The following ABCD3 variants were observed in gnomAD, a reference collection of about 807,000 sequenced individuals.
ABCD3 encodes the protein ATP binding cassette subfamily D member 3.
A neutral mutation model predicts 105.5 loss-of-function variants in ABCD3; 41 were observed. That is an observed-to-expected ratio of 0.39 (90% confidence interval 0.30 to 0.50). The LOEUF (loss-of-function observed/expected upper bound fraction) is 0.50, where lower values mean the gene tolerates loss of function less well. Among genes scored for constraint, ABCD3 ranks in the 20% least tolerant of loss-of-function variants. ABCD3 has a pLI of 0.84. For synonymous variants in ABCD3, 258 were observed against 269.0 expected (o/e 0.96, Z 0.40); for missense variants, 622 against 806.3 (o/e 0.77, Z 2.77).
At chr1:94,490,982 G>A (rs929038596) in intron 15 of ABCD3, among the ~76,000 whole-genome samples, 1 of 152,002 alleles carries the variant, frequency 6.6e-6, no homozygotes, top group Non-Finnish European at 1.5e-5. Context: ...ATGTCTCATT[G>A]TGGTTTTGAT....
At chr1:94,439,478 C>A (rs1660056022) in intron 1 of ABCD3, among the ~76,000 whole-genome samples, 1 of 152,028 alleles carries the variant, frequency 6.6e-6, no homozygotes, top group African/African-American at 2.4e-5. Flanking sequence ...CCTGTCTCTA[C>A]TAAAAATACA....
chr1:94,422,948 G>C (rs1255421396), intron 1 of ABCD3, among the ~76,000 whole-genome samples: 1 of 152,186 alleles, frequency 6.6e-6, no homozygotes, highest in Non-Finnish European at 1.5e-5. Context: ...AATAGAGTTC[G>C]GATTTCTCAT....
chr1:94,477,368 C>T (rs910265512), intron 7 of ABCD3, among the ~76,000 whole-genome samples: 4 of 151,958 alleles, frequency 2.6e-5, no homozygotes, highest in Non-Finnish European at 4.4e-5. Context: ...TGGCTCATCC[C>T]TGCAATCACA....
At chr1:94,482,831 A>G (rs919588732) in intron 9 of ABCD3, 25 of 278,574 alleles carry the variant, frequency 9.0e-5, no homozygotes, top group African/African-American at 3.7e-4. Context: ...GAAGTCTGCA[A>G]TGTTGGTCCC....
chr1:94,506,207 G>A (rs1650341116), intron 20 of ABCD3, among the ~76,000 whole-genome samples: 1 of 152,016 alleles, frequency 6.6e-6, no homozygotes, highest in Non-Finnish European at 1.5e-5. Flanking sequence ...TCTGAGATTT[G>A]GTTAAAATAT....
At chr1:94,507,794 G>C (rs1038250286) in intron 21 of ABCD3, among the ~76,000 whole-genome samples, 2 of 147,642 alleles carry the variant, frequency 1.4e-5, no homozygotes, top group Admixed American at 6.8e-5. Flanking sequence ...GTCTTCTTTT[G>C]AGAAGTGTCT....
chr1:94,450,970 A>T (rs1053822290), intron 1 of ABCD3, among the ~76,000 whole-genome samples: 3 of 152,254 alleles, frequency 2.0e-5, no homozygotes, highest in Middle Eastern at 3.4e-3. Context: ...CTCCTAATTT[A>T]TGAGCATTTG....
At chr1:94,434,855 C>A (rs1285786960) in intron 1 of ABCD3, among the ~76,000 whole-genome samples, 1 of 152,180 alleles carries the variant, frequency 6.6e-6, no homozygotes, top group Admixed American at 6.5e-5. Flanking sequence ...AGTCACAGCC[C>A]CTTTCCTCTC....
At chr1:94,393,884 C>T in the ABCD3 span, among the ~76,000 whole-genome samples, 1 of 152,108 alleles carries the variant, frequency 6.6e-6, no homozygotes, top group South Asian at 2.1e-4. Context: ...GGAAATTTGC[C>T]CTGCAGCCTG....
Position 94,466,166 on chromosome 1 carries a change from T to C in ABCD3, c.246+1293T>C, listed in dbSNP as rs78132261. 8.3e-3 allele frequency among the ~76,000 whole-genome samples: 1,267 copies of C among 152,306 alleles called. 14 individuals carry two copies. The highest frequency in any genetic ancestry group is 0.029 in the African/African-American group (1,214 of 41,566). ...GCAGCTAGATTTATTTTTTGGCACC[T>C]ATCAGCCTCTTACTCGTTTTGATAT... On this transcript the variant is annotated intron_variant, in intron 3 of 22. Transcript: ENST00000370214.
chr1:94,387,091 A>G, the ABCD3 span, among the ~76,000 whole-genome samples: 1 of 152,194 alleles, frequency 6.6e-6, no homozygotes, highest in African/African-American at 2.4e-5. Flanking sequence ...CATTTTTTCT[A>G]TGCGAAGCTT....
intron 13 of ABCD3, 77 bp downstream of exon 13, chr1:94,488,060 G>A (rs1570808140): frequency 8.0e-7 from 1 of 1,243,024 alleles, no homozygotes; most frequent in Non-Finnish European, 1.2e-6. Context: ...TATCAGTTGA[G>A]ATTAAGATAA....
chr1:94,507,139 C>T (rs375041306), intron 21 of ABCD3, among the ~76,000 whole-genome samples: 1 of 151,872 alleles, frequency 6.6e-6, no homozygotes, highest in South Asian at 2.1e-4. Context: ...ATCCCTCCCC[C>T]CTTCCCCCAC....
chr1:94,398,357 C>G, the ABCD3 span, among the ~76,000 whole-genome samples: 1 of 152,112 alleles, frequency 6.6e-6, no homozygotes, highest in African/African-American at 2.4e-5. Flanking sequence ...GTGTTCAACC[C>G]TAATATACCT....
the ABCD3 span, among the ~76,000 whole-genome samples, chr1:94,385,373 AAT>A: frequency 6.6e-6 from 1 of 150,464 alleles, no homozygotes; most frequent in African/African-American, 2.5e-5. Context: ...GAGACTCCAG[AAT>A]ACAAAGCAAA....
intron 8 of ABCD3, among the ~76,000 whole-genome samples, chr1:94,479,151 G>A (rs1013739225): frequency 2.0e-5 from 3 of 151,876 alleles, no homozygotes. Context: ...TTTGTTTTTC[G>A]AATTTTTCTG....
chr1:94,418,798 GCTCC>G (rs1659130419), intron 1 of ABCD3: 2 of 585,992 alleles, frequency 3.4e-6, no homozygotes, highest in Non-Finnish European at 6.0e-6. Flanking sequence ...CGGCGACCTC[GCTCC>G]ACCCCGGGAG....
At chr1:94,449,861 G>A (rs1444113176) in intron 1 of ABCD3, among the ~76,000 whole-genome samples, 1 of 152,194 alleles carries the variant, frequency 6.6e-6, no homozygotes, top group African/African-American at 2.4e-5. Flanking sequence ...CTGGAAACAT[G>A]GCGGTATGGT....
At chr1:94,454,056 A>G (rs543130878) in intron 1 of ABCD3, among the ~76,000 whole-genome samples, 5 of 151,980 alleles carry the variant, frequency 3.3e-5, no homozygotes, top group African/African-American at 9.7e-5. Flanking sequence ...ATGGGCATGC[A>G]TATGTGTATG....
Sources: gnomAD v4.1 joint callset for allele counts (sites outside exome capture counted in the v4.1 genomes callset) on GRCh38, gnomAD v4.1.1 for gene constraint, MANE v1.5 for transcripts, NCBI Gene and HGNC (gene_info 2026-07-23, HGNC 2026-07-21) for gene names.